ARHGEF38: variants seen among roughly 807,000 people sequenced by gnomAD.
ARHGEF38 encodes Rho guanine nucleotide exchange factor 38.
A neutral mutation model predicts 79.9 loss-of-function variants in ARHGEF38; 79 were observed. The observed-to-expected ratio is 0.99, with a 90% CI of 0.82 to 1.19. The LOEUF (loss-of-function observed/expected upper bound fraction) is 1.19, where lower values mean the gene tolerates loss of function less well. ARHGEF38 is among the 50% of genes most tolerant of loss of function. The pLI is 0.00. For missense variants in ARHGEF38, 962 were observed against 907.2 expected (o/e 1.06, Z -0.78); for synonymous variants, 366 against 328.3 (o/e 1.11, Z -1.24).
chr4:105,626,794 C>T (rs116675159), intron 3 of ARHGEF38, among the ~76,000 whole-genome samples: 76 of 152,048 alleles, frequency 5.0e-4, no homozygotes, highest in African/African-American at 1.8e-3. Flanking sequence ...AGTTTCACCT[C>T]CTTAATGTTG....
chr4:105,624,954 A>G (rs1728882263), intron 3 of ARHGEF38, among the ~76,000 whole-genome samples: 1 of 152,164 alleles, frequency 6.6e-6, no homozygotes, highest in Non-Finnish European at 1.5e-5. Flanking sequence ...CTTTCCAGAG[A>G]GTGGGCCATC....
intron 1 of ARHGEF38, among the ~76,000 whole-genome samples, chr4:105,566,371 A>G (rs567544125): frequency 6.6e-6 from 1 of 152,312 alleles, no homozygotes; most frequent in African/African-American, 2.4e-5. Flanking sequence ...TGCATGGGTC[A>G]CAGGTTATCA....
Position 105,614,265 on chromosome 4 carries a change from A to AC in ARHGEF38, c.508+758_508+759insC, listed in dbSNP as rs1436383415. On this transcript the variant is annotated intron_variant, in intron 3 of 13. Transcript: ENST00000420470. Reference sequence around the variant, plus strand: ...ATTATCGTTTCTCTATTTCACACTTAATATACAATAACTCCTCATTACAAA... The same window carrying AC: ...ATTATCGTTTCTCTATTTCACACTTACATATACAATAACTCCTCATTACAAA... Among the ~76,000 whole-genome samples, 6 of 152,276 alleles carry AC rather than the reference A, an allele frequency of 3.9e-5. No individual in the cohort carries two copies. In the East Asian group the frequency reaches 1.2e-3, roughly 29 times the overall value.
In ARHGEF38 at chr4:105,558,547, G is replaced by T. The variant is rs527544599; in HGVS notation, c.196+5586G>T. ...GGCAAATCTTTCTAAAAGGCAAGAC[G>T]CTTTAAAAACTCAGTAACTTTTGTC... On this transcript the variant is annotated intron_variant, in intron 1 of 13. Coordinates refer to ENST00000420470, the MANE Select transcript of ARHGEF38 (RefSeq NM_001242729.2). Among the ~76,000 whole-genome samples, 33 of 152,254 alleles carry T rather than the reference G, an allele frequency of 2.2e-4. No homozygotes were observed. In the South Asian group the frequency reaches 6.9e-3, roughly 32 times the overall value.
rs1728879993 is a variant in ARHGEF38, at chr4:105,624,896, G to T, written c.509-6002G>T. 2.0e-5 allele frequency among the ~76,000 whole-genome samples: 3 copies of T among 152,170 alleles called. No individual in the cohort carries two copies. In the South Asian group the frequency reaches 6.2e-4, roughly 31 times the overall value. On this transcript the variant is annotated intron_variant, in intron 3 of 13. Transcript: ENST00000420470. The stretch of plus-strand genomic sequence containing the variant: ...CGCTCAGCTGTGTGTGTCACTCAGG[G>T]AAATGACAGTCAGAGGCCTGTATTG...
intron 3 of ARHGEF38, among the ~76,000 whole-genome samples, chr4:105,627,112 C>T (rs1467222004): frequency 6.6e-6 from 1 of 152,080 alleles, no homozygotes; most frequent in East Asian, 1.9e-4. Flanking sequence ...GTATAATTTC[C>T]TTGAAGGAAG....
intron 1 of ARHGEF38, among the ~76,000 whole-genome samples, chr4:105,582,094 G>A (rs1726820946): frequency 6.6e-6 from 1 of 151,238 alleles, no homozygotes; most frequent in Non-Finnish European, 1.5e-5. Flanking sequence ...GAACCAAGGA[G>A]GTGGAGGTTA....
intron 2 of ARHGEF38, among the ~76,000 whole-genome samples, chr4:105,592,458 T>A (rs1229762578): frequency 6.6e-6 from 1 of 152,046 alleles, no homozygotes; most frequent in Non-Finnish European, 1.5e-5. Context: ...TACTACCATT[T>A]CTCTCTTCAT....
chr4:105,666,227 A>T lies in ARHGEF38; in HGVS notation c.1596A>T (p.Glu532Asp), dbSNP rs1028250751. The T allele has an allele frequency of 1.3e-6, 2 of 1,535,334 alleles. No individual in the cohort carries two copies. Among genetic ancestry groups the T allele is most frequent in the African/African-American group, 2.7e-5 (2 of 73,006 alleles). Reference protein sequence around the residue: ...SISEIQNQVLEEIQNLNCVKE... With the variant: ...SISEIQNQVLDEIQNLNCVKE... ...CTGAGATTCAGAATCAAGTACTAGAAGAGATCCAAAATTTGAATTGTGTGA... is the reference window on the plus strand; with the variant it reads ...CTGAGATTCAGAATCAAGTACTAGATGAGATCCAAAATTTGAATTGTGTGA... Residue 532 changes from glutamate (E) to aspartate (D), a missense_variant, in exon 11 of 14, where the codon GAA (glutamate) becomes GAT (aspartate). Physicochemically the swap from Glu to Asp is conservative, Grantham distance 45. Transcript: ENST00000420470.
intron 5 of ARHGEF38, among the ~76,000 whole-genome samples, chr4:105,639,930 A>T (rs765482707): frequency 2.0e-5 from 3 of 152,042 alleles, no homozygotes; most frequent in Non-Finnish European, 4.4e-5. Context: ...GTTCTGCAAG[A>T]TTTGTCAAGA....
chr4:105,637,482 T>C (rs1451883955), intron 5 of ARHGEF38, among the ~76,000 whole-genome samples: 1 of 152,162 alleles, frequency 6.6e-6, no homozygotes, highest in Non-Finnish European at 1.5e-5. Context: ...AGATTTGTCT[T>C]ATGAGTTTCC....
chr4:105,666,024 A>G (rs1052934406), intron 10 of ARHGEF38, among the ~76,000 whole-genome samples, 153 bp from the exon 11 acceptor site: 11 of 152,276 alleles, frequency 7.2e-5, no homozygotes, highest in Non-Finnish European at 1.0e-4. Context: ...AATAAATTAG[A>G]CCATATTTAT....
At chr4:105,604,715 A>C (rs2110480251) in intron 2 of ARHGEF38, among the ~76,000 whole-genome samples, 1 of 152,222 alleles carries the variant, frequency 6.6e-6, no homozygotes, top group Admixed American at 6.5e-5. Context: ...TCTCAGTTTG[A>C]GTATGTACAG....
intron 13 of ARHGEF38, among the ~76,000 whole-genome samples, chr4:105,677,282 A>G (rs907261541): frequency 1.3e-5 from 2 of 152,054 alleles, no homozygotes; most frequent in African/African-American, 4.8e-5. Flanking sequence ...TTTAATGACT[A>G]CAAATCTCCT....
chr4:105,679,484 A>G lies in ARHGEF38; in HGVS notation c.*1547A>G. The G allele has an allele frequency of 6.4e-7, 1 of 1,553,292 alleles. No individual in the cohort carries two copies. Among genetic ancestry groups the G allele is most frequent in the Admixed American group, 1.7e-5 (1 of 59,650 alleles). On this transcript the variant is annotated 3_prime_UTR_variant, in exon 14 of 14. Transcript: ENST00000420470. ...CCAGAGTCATGGTCACAAACCCCTT[A>G]TCAGAGTTGATTAAAGATCATGGTT... is the stretch of plus-strand genomic sequence containing the variant.
At chr4:105,648,257 G>A (rs1038293644) in intron 6 of ARHGEF38, among the ~76,000 whole-genome samples, 2 of 151,960 alleles carry the variant, frequency 1.3e-5, no homozygotes, top group African/African-American at 4.8e-5. Context: ...TGTATTATCT[G>A]AGACGAGAGG....
chr4:105,586,491 T>C (rs1192487734), intron 1 of ARHGEF38, among the ~76,000 whole-genome samples: 3 of 152,210 alleles, frequency 2.0e-5, no homozygotes, highest in African/African-American at 7.2e-5. Flanking sequence ...AAGCATTTTT[T>C]AATTGACAAA....
chr4:105,593,208 G>T (rs1727420232), intron 2 of ARHGEF38, among the ~76,000 whole-genome samples: 1 of 152,000 alleles, frequency 6.6e-6, no homozygotes, highest in Non-Finnish European at 1.5e-5. Flanking sequence ...TCAAAAATCT[G>T]TCCCTGCGAT....
intron 2 of ARHGEF38, among the ~76,000 whole-genome samples, chr4:105,593,871 G>T (rs1727454887): frequency 6.6e-6 from 1 of 152,016 alleles, no homozygotes; most frequent in African/African-American, 2.4e-5. Context: ...TTCCATTATG[G>T]TAACATTTAT....
Sources: allele counts gnomAD v4.1 joint callset (sites outside exome capture counted in the v4.1 genomes callset), GRCh38; gene constraint gnomAD v4.1.1; transcripts MANE v1.5; gene names NCBI Gene and HGNC (gene_info 2026-07-23, HGNC 2026-07-21).